Variants in RHBDD1 observed in about 807,000 individuals in gnomAD.
The protein encoded by RHBDD1 is rhomboid domain containing 1, also known as rhomboid-related protein 4.
Under a neutral mutation model 36.3 loss-of-function variants are expected in RHBDD1, and 38 were observed. That is an observed-to-expected ratio of 1.05 (90% confidence interval 0.81 to 1.37). The LOEUF (loss-of-function observed/expected upper bound fraction) is 1.37, where lower values mean the gene tolerates loss of function less well. Among genes scored for constraint, RHBDD1 ranks in the 40% most tolerant of loss-of-function variants. The pLI is 0.00. For synonymous variants in RHBDD1, 151 were observed against 136.5 expected (o/e 1.11, Z -0.74); for missense variants, 393 against 377.6 (o/e 1.04, Z -0.34).
At chr2:226,906,763 A>G in intron 5 of RHBDD1, 30 bp from the exon 6 acceptor site, 1 of 1,613,910 alleles carries the variant, frequency 6.2e-7, no homozygotes. Context: ...AGCAGAACAA[A>G]CACTCACAAA....
At chr2:226,955,451 G>T (rs1356953390) in intron 8 of RHBDD1, among the ~76,000 whole-genome samples, 1 of 152,226 alleles carries the variant, frequency 6.6e-6, no homozygotes, top group Non-Finnish European at 1.5e-5. Context: ...TGTACAATAT[G>T]CAGCTTTTTA....
chr2:226,944,803 A>C (rs886640026), intron 8 of RHBDD1, among the ~76,000 whole-genome samples: 3 of 152,194 alleles, frequency 2.0e-5, no homozygotes, highest in African/African-American at 7.2e-5. Flanking sequence ...AGTTTTGGAC[A>C]ATCTGGGTAT....
intron 8 of RHBDD1, among the ~76,000 whole-genome samples, chr2:226,929,199 G>A (rs1273041011): frequency 6.6e-6 from 1 of 151,814 alleles, no homozygotes; most frequent in Non-Finnish European, 1.5e-5. Context: ...CATAACAAAA[G>A]AATAAAAATA....
intron 5 of RHBDD1, among the ~76,000 whole-genome samples, chr2:226,884,978 A>G (rs1314294194): frequency 6.6e-6 from 1 of 152,194 alleles, no homozygotes; most frequent in Non-Finnish European, 1.5e-5. Flanking sequence ...AGGATGAACA[A>G]TACTAAGTAC....
At chr2:226,970,513 C>T (rs1051230287) in intron 8 of RHBDD1, among the ~76,000 whole-genome samples, 12 of 152,130 alleles carry the variant, frequency 7.9e-5, no homozygotes, top group African/African-American at 2.4e-4. Flanking sequence ...CATCTGTTGG[C>T]TGCCAGAGGG....
chr2:226,902,144 C>T (rs1040682871), intron 5 of RHBDD1, among the ~76,000 whole-genome samples: 2 of 152,222 alleles, frequency 1.3e-5, no homozygotes, highest in Non-Finnish European at 2.9e-5. Flanking sequence ...TCCCTGAATG[C>T]TGCTTCGGAT....
chr2:226,974,728 C>T (rs914282874), intron 8 of RHBDD1, among the ~76,000 whole-genome samples: 3 of 152,054 alleles, frequency 2.0e-5, no homozygotes, highest in African/African-American at 7.2e-5. Context: ...TTTAGTGTCC[C>T]GCACCCAAGA....
At chr2:226,906,720 G>T in intron 5 of RHBDD1, 73 bp from the exon 6 acceptor site, 3 of 1,611,908 alleles carry the variant, frequency 1.9e-6, no homozygotes, top group Non-Finnish European at 2.5e-6. Context: ...ACATGCACTG[G>T]GCTAATGAGA....
intron 5 of RHBDD1, chr2:226,869,218 A>G: frequency 1.0e-6 from 1 of 980,654 alleles, no homozygotes; most frequent in Non-Finnish European, 1.2e-6. Context: ...AGGCACCGGT[A>G]ATTCTGAGCT....
intron 8 of RHBDD1, among the ~76,000 whole-genome samples, chr2:226,990,506 A>G (rs1957946610): frequency 6.6e-6 from 1 of 152,222 alleles, no homozygotes; most frequent in African/African-American, 2.4e-5. Context: ...TCATCAGATC[A>G]TGGGCAGGAT....
At chr2:226,968,868 A>G (rs1180307095) in intron 8 of RHBDD1, 1 of 152,216 alleles carries the variant, frequency 6.6e-6, no homozygotes, top group Non-Finnish European at 1.5e-5. Context: ...TCATCTGAGG[A>G]GTGGGTTCAG....
At position 226,858,982 on chromosome 2, in the gene RHBDD1, G is replaced by A. The variant is rs552947644; in HGVS notation, c.-90-5622G>A. 1.1e-4 allele frequency among the ~76,000 whole-genome samples: 16 copies of A among 152,196 alleles called. No individual in the cohort carries two copies. The South Asian group carries it at 1.7e-3, about 16-fold the overall frequency. On this transcript the variant is annotated intron_variant, in intron 3 of 8. Coordinates refer to ENST00000392062, the MANE Select transcript of RHBDD1 (RefSeq NM_001167608.3). Reference sequence around the variant, plus strand: ...TTATTTCTATAATGTTGAGATTAACGTTATAAATACTGTTGTGGACCTAAA... The same window carrying A: ...TTATTTCTATAATGTTGAGATTAACATTATAAATACTGTTGTGGACCTAAA...
the RHBDD1 span, among the ~76,000 whole-genome samples, chr2:226,813,247 A>T: frequency 6.6e-5 from 10 of 152,356 alleles, no homozygotes; most frequent in East Asian, 5.8e-4. Flanking sequence ...TGTGCCAGGT[A>T]CTTAGATTAG....
At chr2:226,944,236 G>T (rs1007827974) in intron 8 of RHBDD1, among the ~76,000 whole-genome samples, 8 of 152,162 alleles carry the variant, frequency 5.3e-5, no homozygotes, top group African/African-American at 1.7e-4. Flanking sequence ...ACTCTAAGGA[G>T]AAAATAACCT....
At chr2:226,819,768 T>C in the RHBDD1 span, among the ~76,000 whole-genome samples, 1 of 152,182 alleles carries the variant, frequency 6.6e-6, no homozygotes, top group African/African-American at 2.4e-5. Flanking sequence ...ATATTTCACA[T>C]TATTGCTCAG....
the RHBDD1 span, among the ~76,000 whole-genome samples, chr2:226,802,883 C>G: frequency 2.6e-5 from 4 of 152,124 alleles, no homozygotes; most frequent in Non-Finnish European, 5.9e-5. Flanking sequence ...CTACAACTAG[C>G]TTTAAAATTG....
chr2:226,829,533 G>A, the RHBDD1 span, among the ~76,000 whole-genome samples: 1 of 152,120 alleles, frequency 6.6e-6, no homozygotes, highest in Non-Finnish European at 1.5e-5. Context: ...GCCCCATTAA[G>A]TATTTTTCAG....
chr2:226,959,101 C>T (rs972476940), intron 8 of RHBDD1, among the ~76,000 whole-genome samples: 1 of 152,162 alleles, frequency 6.6e-6, no homozygotes, highest in Non-Finnish European at 1.5e-5. Context: ...CTCATTAAAG[C>T]AGTGACAAAT....
rs562586947 is a variant in RHBDD1 at position 226,979,803 on chromosome 2, C to A, written c.857-15628C>A. Among the ~76,000 whole-genome samples, 9 of 152,336 alleles carry A rather than the reference C, an allele frequency of 5.9e-5. No individual in the cohort carries two copies. The South Asian group carries it at 1.9e-3, about 32-fold the overall frequency. On this transcript the variant is annotated intron_variant, in intron 8 of 8. Coordinates refer to ENST00000392062, the MANE Select transcript of RHBDD1 (RefSeq NM_001167608.3). ...CTGCTTCACCAGCCATCTAGTCATCCCTCAAGCCAGTCTAGTTCACACCTA... is the reference window on the plus strand; with the variant it reads ...CTGCTTCACCAGCCATCTAGTCATCACTCAAGCCAGTCTAGTTCACACCTA...
Sources: allele counts gnomAD v4.1 joint callset (sites outside exome capture counted in the v4.1 genomes callset), GRCh38; gene constraint gnomAD v4.1.1; transcripts MANE v1.5; gene names NCBI Gene and HGNC (gene_info 2026-07-23, HGNC 2026-07-21).